BRINP1: variants seen among roughly 807,000 people sequenced by gnomAD.
The protein encoded by BRINP1 is BMP/retinoic acid inducible neural specific 1.
Under a neutral mutation model 72.9 loss-of-function variants are expected in BRINP1, and 17 were observed. The ratio of observed to expected loss-of-function variants is 0.23; its 90% CI spans 0.16 to 0.35. The LOEUF (loss-of-function observed/expected upper bound fraction) is 0.35. Among genes scored for constraint, BRINP1 ranks in the 10% least tolerant of loss-of-function variants. The pLI is 1.00. For missense variants in BRINP1, 850 were observed against 1,001.6 expected, an observed-to-expected ratio of 0.85 and a Z score of 2.04; for synonymous variants, 418 against 378.5, an observed-to-expected ratio of 1.10 and a Z score of -1.21.
chr9:119,349,877 G>A (rs899066659), intron 1 of BRINP1, among the ~76,000 whole-genome samples: 5 of 152,068 alleles, frequency 3.3e-5, no homozygotes, highest in African/African-American at 7.2e-5. Context: ...CTCTTCCTTC[G>A]TATTTCTCTA....
intron 2 of BRINP1, among the ~76,000 whole-genome samples, chr9:119,267,327 A>G (rs1263920046): frequency 6.6e-6 from 1 of 152,146 alleles, no homozygotes; most frequent in East Asian, 1.9e-4. Flanking sequence ...AGACTTTGAC[A>G]TGATACATTT....
At chr9:119,245,604 T>C (rs1178062083) in intron 3 of BRINP1, among the ~76,000 whole-genome samples, 1 of 152,186 alleles carries the variant, frequency 6.6e-6, no homozygotes, top group African/African-American at 2.4e-5. Context: ...GGAGATCCCA[T>C]GGAAATCTCT....
chr9:119,173,548 C>T (rs1829444372), intron 7 of BRINP1, among the ~76,000 whole-genome samples: 1 of 152,120 alleles, frequency 6.6e-6, no homozygotes, highest in Non-Finnish European at 1.5e-5. Context: ...ATGAAAATGG[C>T]CATACTGGCC....
At chr9:119,298,197 G>A (rs760467271) in intron 2 of BRINP1, among the ~76,000 whole-genome samples, 6 of 152,172 alleles carry the variant, frequency 3.9e-5, no homozygotes, top group Non-Finnish European at 7.3e-5. Flanking sequence ...TCTTCCATCA[G>A]AGCAGGGAAA....
intron 1 of BRINP1, among the ~76,000 whole-genome samples, chr9:119,318,814 C>A (rs1831152376): frequency 6.7e-6 from 1 of 149,428 alleles, no homozygotes; most frequent in African/African-American, 2.5e-5. Flanking sequence ...AAAAGTGGAA[C>A]AAGGTCATAC....
intron 7 of BRINP1, among the ~76,000 whole-genome samples, chr9:119,179,705 C>T (rs879832969): frequency 1.3e-5 from 2 of 152,308 alleles, no homozygotes; most frequent in African/African-American, 2.4e-5. Flanking sequence ...TGCGACTCAC[C>T]TTGGTCACAC....
Position 119,224,900 on chromosome 9 carries a change from C to T in BRINP1, c.686-10745G>A, listed in dbSNP as rs147321243. Among the ~76,000 whole-genome samples the T allele has an allele frequency of 1.0e-3, 154 of 152,102 alleles. 1 individual carries two copies. The highest frequency in any genetic ancestry group is 3.4e-3 in the African/African-American group (140 of 41,530). On this transcript the variant is annotated intron_variant, in intron 5 of 7. Coordinates refer to ENST00000265922, the MANE Select transcript of BRINP1 (RefSeq NM_014618.3). ...GTGCTGCCAGTCACATGGAAATGCACTGTATGTATATAATCCTCTTAGAGG... is the reference window on the plus strand; with the variant it reads ...GTGCTGCCAGTCACATGGAAATGCATTGTATGTATATAATCCTCTTAGAGG...
At chr9:119,338,453 G>A (rs1007778628) in intron 1 of BRINP1, among the ~76,000 whole-genome samples, 2 of 151,854 alleles carry the variant, frequency 1.3e-5, no homozygotes, top group African/African-American at 2.4e-5. Flanking sequence ...ACAATGATAG[G>A]TGTTTTTCCC....
Position 119,250,104 on chromosome 9 carries a change from A to AGGAAGGAGGGAGGGAG in BRINP1, c.219-970_219-955dup, listed in dbSNP as rs1210116554. ...AGAAAGGAAGGAAGGAAGGAAGAAA[A>AGGAAGGAGGGAGGGAG]GGAAGGAGGGAGGGAGGGAAGGAGG... On this transcript the variant is annotated intron_variant, in intron 2 of 7. Transcript: ENST00000265922. 2.7e-3 allele frequency among the ~76,000 whole-genome samples: 172 copies of AGGAAGGAGGGAGGGAG among 62,598 alleles called. 1 individual carries two copies. Among genetic ancestry groups the AGGAAGGAGGGAGGGAG allele is most frequent in the African/African-American group, 9.1e-3 (165 of 18,114 alleles). 41.1% of individuals were successfully genotyped at this position (62,598 alleles called of 152,430 possible).
chr9:119,259,997 C>A (rs1384924512), intron 2 of BRINP1, among the ~76,000 whole-genome samples: 2 of 152,186 alleles, frequency 1.3e-5, no homozygotes, highest in East Asian at 1.9e-4. Flanking sequence ...GAGCCTCCCC[C>A]AAATCCACAT....
At chr9:119,223,937 T>C (rs985388781) in intron 5 of BRINP1, among the ~76,000 whole-genome samples, 2 of 151,964 alleles carry the variant, frequency 1.3e-5, no homozygotes, top group East Asian at 3.9e-4. Flanking sequence ...TATGGATCCA[T>C]TGCTATAGAT....
At chr9:119,350,973 A>G (rs1168655407) in intron 1 of BRINP1, among the ~76,000 whole-genome samples, 3 of 151,442 alleles carry the variant, frequency 2.0e-5, no homozygotes, top group Admixed American at 1.3e-4. Context: ...ATAGGTATAC[A>G]TATGCCATGG....
At chr9:119,212,929 C>T (rs7849611) in intron 6 of BRINP1, among the ~76,000 whole-genome samples, 51,434 of 152,012 alleles carry the variant, frequency 0.34, 9,166 homozygotes, top group East Asian at 0.55. Context: ...TCCCTTTTCT[C>T]TTCAACTCTT....
chr9:119,346,383 A>C (rs1831452482), intron 1 of BRINP1, among the ~76,000 whole-genome samples: 1 of 152,324 alleles, frequency 6.6e-6, no homozygotes, highest in Middle Eastern at 3.4e-3. Flanking sequence ...CCAATGTGAA[A>C]TTATCAACAT....
At chr9:119,176,949 C>A (rs1411223532) in intron 7 of BRINP1, among the ~76,000 whole-genome samples, 4 of 152,046 alleles carry the variant, frequency 2.6e-5, no homozygotes, top group Non-Finnish European at 5.9e-5. Flanking sequence ...ACCACCCGGA[C>A]CTGGCGATAA....
intron 7 of BRINP1, among the ~76,000 whole-genome samples, chr9:119,189,214 C>T (rs230079): frequency 0.32 from 48,710 of 151,654 alleles, 9,734 homozygotes; most frequent in African/African-American, 0.58. Flanking sequence ...AACCAAAGAT[C>T]AGCACTACAG....
intron 7 of BRINP1, among the ~76,000 whole-genome samples, chr9:119,191,402 C>CA (rs1173668728): frequency 1.3e-5 from 2 of 151,800 alleles, no homozygotes; most frequent in Non-Finnish European, 3.0e-5. Context: ...GATCCCCCCA[C>CA]AAAAAACTAT....
intron 1 of BRINP1, among the ~76,000 whole-genome samples, chr9:119,336,635 G>A (rs558413236): frequency 1.6e-4 from 25 of 152,248 alleles, no homozygotes; most frequent in East Asian, 7.7e-4. Flanking sequence ...CAAAGCAGTC[G>A]TATTGATTTG....
chr9:119,344,707 C>T (rs1424682403), intron 1 of BRINP1, among the ~76,000 whole-genome samples: 2 of 152,180 alleles, frequency 1.3e-5, no homozygotes, highest in East Asian at 3.9e-4. Context: ...GTTTCTGACA[C>T]CACACATTCA....
Sources: allele counts gnomAD v4.1 joint callset (sites outside exome capture counted in the v4.1 genomes callset), GRCh38; gene constraint gnomAD v4.1.1; transcripts MANE v1.5; gene names NCBI Gene and HGNC (gene_info 2026-07-23, HGNC 2026-07-21).